EEF2KMT: variants seen among roughly 807,000 people sequenced by gnomAD.
EEF2KMT encodes protein-lysine N-methyltransferase EEF2KMT.
EEF2KMT carries 30 observed loss-of-function variants against 35.1 expected under a neutral mutation model. The observed-to-expected ratio is 0.85, with a 90% confidence interval of 0.64 to 1.16. The LOEUF is 1.16. EEF2KMT is among the 50% of genes most tolerant of loss of function. EEF2KMT has a pLI of 0.00. For missense variants in EEF2KMT, 499 were observed against 438.2 expected, an observed-to-expected ratio of 1.14 and a Z score of -1.24; for synonymous variants, 190 against 187.7, an observed-to-expected ratio of 1.01 and a Z score of -0.10.
At chr16:5,091,721 A>G (rs1185438853) in intron 4 of EEF2KMT, 73 bp downstream of exon 4, 1 of 1,596,074 alleles carries the variant, frequency 6.3e-7, no homozygotes, top group East Asian at 2.3e-5. Flanking sequence ...TTGAACCCAC[A>G]CCCACGTTTT....
chr16:5,097,776 G>T lies in EEF2KMT; in HGVS notation c.-37C>A. The T allele has an allele frequency of 6.5e-7, 1 of 1,535,642 alleles. No individual in the cohort carries two copies. Among genetic ancestry groups the T allele is most frequent in the Non-Finnish European group, 8.7e-7 (1 of 1,146,766 alleles). ...GGCCGCAGCGTTGCCGGCAGACCGG[G>T]CGGAAGCCCGGCCTGGACTGAAGAG... On this transcript the variant is annotated 5_prime_UTR_variant, in exon 1 of 8. Coordinates refer to ENST00000427587, the MANE Select transcript of EEF2KMT (RefSeq NM_201400.4).
intron 3 of EEF2KMT, among the ~76,000 whole-genome samples, chr16:5,093,070 G>A (rs545841792): frequency 1.3e-5 from 2 of 152,344 alleles, no homozygotes; most frequent in East Asian, 3.9e-4. Flanking sequence ...AGTTCCGAAG[G>A]TATGGCAAGA....
chr16:5,088,558 G>C (rs575774248), intron 7 of EEF2KMT, among the ~76,000 whole-genome samples: 5 of 152,274 alleles, frequency 3.3e-5, no homozygotes, highest in South Asian at 2.1e-4. Context: ...GTGTGTCCTA[G>C]TGTCTTTGTT....
At chr16:5,087,859 C>T (rs1957237754) in intron 7 of EEF2KMT, among the ~76,000 whole-genome samples, 1 of 147,264 alleles carries the variant, frequency 6.8e-6, no homozygotes, top group South Asian at 2.1e-4. Context: ...CTGCTTGGCA[C>T]TGTTTTTTTC....
In EEF2KMT at chr16:5,084,482, CAG is replaced by C. The variant is rs1272825453; in HGVS notation, c.*1148_*1149del. 1.0e-5 allele frequency: 6 copies of C among 597,466 alleles called. No homozygotes were observed. The highest frequency in any genetic ancestry group is 2.9e-5 in the East Asian group (1 of 34,556). 37.0% of individuals were successfully genotyped at this position (597,466 alleles called of 1,614,324 possible). Reference sequence around the variant, plus strand: ...CCAGAGGCCGAGAGGAGGGTGCTCACAGGGGAATGGGCAGCACGTAGAGGCCG... The same window carrying C: ...CCAGAGGCCGAGAGGAGGGTGCTCACGGGAATGGGCAGCACGTAGAGGCCG... On this transcript the variant is annotated 3_prime_UTR_variant, in exon 8 of 8. Coordinates refer to ENST00000427587, the MANE Select transcript of EEF2KMT (RefSeq NM_201400.4).
Position 5,090,560 on chromosome 16 carries a change from C to A in EEF2KMT, c.348G>T (p.Ser116=). 3.7e-6 allele frequency: 6 copies of A among 1,611,818 alleles called. No individual in the cohort carries two copies. The highest frequency in any genetic ancestry group is 4.2e-6 in the Non-Finnish European group (5 of 1,179,800). Residue 116 remains serine, a synonymous_variant, in exon 5 of 8, where the codon TCG becomes TCT. Transcript: ENST00000427587. The surrounding 1 kb of genome is among the most constrained non-coding windows in gnomAD (Gnocchi z 4.1). ...TCTCGGAGAGTGTGACCGAGCCTCCCGAGGGCTGCACCAAGAGAAGGCGAG... is the reference window on the plus strand; with the variant it reads ...TCTCGGAGAGTGTGACCGAGCCTCCAGAGGGCTGCACCAAGAGAAGGCGAG... The part of the protein sequence containing the change: ...TQGHRSYLLP[S]GGSVTLSEST...
chr16:5,089,896 G>T (rs1957303971), intron 6 of EEF2KMT, among the ~76,000 whole-genome samples, 188 bp downstream of exon 6: 1 of 152,222 alleles, frequency 6.6e-6, no homozygotes, highest in South Asian at 2.1e-4. Context: ...AAAGAGGGCT[G>T]TGGGTTGAAG....
intron 1 of EEF2KMT, among the ~76,000 whole-genome samples, chr16:5,096,678 C>G (rs4047290): frequency 6.6e-6 from 1 of 152,210 alleles, no homozygotes; most frequent in East Asian, 1.9e-4. Context: ...TCTCCTGGGT[C>G]TGAACTCTCA....
intron 2 of EEF2KMT, among the ~76,000 whole-genome samples, chr16:5,094,090 T>G (rs1424414408): frequency 6.6e-6 from 1 of 152,050 alleles, no homozygotes; most frequent in Non-Finnish European, 1.5e-5. Context: ...AGCCTGGCAC[T>G]TGGAAAGGAG....
At chr16:5,089,333 G>A in intron 6 of EEF2KMT, 77 bp from the exon 7 acceptor site, 2 of 1,574,534 alleles carry the variant, frequency 1.3e-6, no homozygotes, top group Non-Finnish European at 1.7e-6. Flanking sequence ...AGCAGGGCGA[G>A]GCCAGAGAGG....
rs1957125250 is a variant in EEF2KMT at position 5,085,544 on chromosome 16, A to G, written c.*88T>C. The G allele has an allele frequency of 1.1e-5, 11 of 1,006,916 alleles. No individual in the cohort carries two copies. Among genetic ancestry groups the G allele is most frequent in the Admixed American group, 8.5e-5 (5 of 58,898 alleles). The allele number at this position is 1,006,916 out of a possible 1,614,324, so 62.4% of individuals were successfully genotyped here. ...AACATTCTCCAAACATTCCAGTCCA[A>G]TGAAAGTTTTATCCGCTTTCCCATA... On this transcript the variant is annotated 3_prime_UTR_variant, in exon 8 of 8. Transcript: ENST00000427587.
intron 1 of EEF2KMT, among the ~76,000 whole-genome samples, chr16:5,095,954 T>C (rs999622791): frequency 6.6e-6 from 1 of 152,046 alleles, no homozygotes; most frequent in African/African-American, 2.4e-5. Context: ...TCGGCTGGTA[T>C]GTGACACAGG....
At position 5,085,110 on chromosome 16, in the gene EEF2KMT, C is replaced by G. The variant is rs547607392; in HGVS notation, c.*522G>C. ...ACGCTTCCTCTCTTCTTCTGTTCTT[C>G]ACGCCCCATGCCCCTGCTAGCGTAT... On this transcript the variant is annotated 3_prime_UTR_variant, in exon 8 of 8. Coordinates refer to ENST00000427587, the MANE Select transcript of EEF2KMT (RefSeq NM_201400.4). 4 of 734,244 alleles carry G rather than the reference C, an allele frequency of 5.4e-6. No homozygotes were observed. The East Asian group carries it at 8.1e-5, about 15-fold the overall frequency. The allele number at this position is 734,244 out of a possible 1,614,324, so 45.5% of individuals were successfully genotyped here. A position where few individuals can be genotyped will look rare whatever the true frequency, so the allele number is the denominator to read the frequency against.
At chr16:5,092,051 G>A (rs1596277115) in intron 3 of EEF2KMT, 156 bp from the exon 4 acceptor site, 1 of 1,419,478 alleles carries the variant, frequency 7.0e-7, no homozygotes, top group Non-Finnish European at 9.5e-7. Context: ...GCTTGGTGGT[G>A]TGTGCCGAAT....
chr16:5,087,711 T>C (rs1267551891), intron 7 of EEF2KMT, among the ~76,000 whole-genome samples: 5 of 147,100 alleles, frequency 3.4e-5, no homozygotes, highest in Non-Finnish European at 5.9e-5. Context: ...GATGGGAGGA[T>C]AGCTTGAACC....
At chr16:5,097,570 G>T (rs1186724984) in intron 1 of EEF2KMT, 74 bp downstream of exon 1, 3 of 1,525,534 alleles carry the variant, frequency 2.0e-6, no homozygotes, top group Non-Finnish European at 2.6e-6. Context: ...AGGGGCTTCA[G>T]CACGGAGACC....
rs200185581 is a variant in EEF2KMT, at chr16:5,089,099, A to G, written c.892+8T>C. 1.7e-3 allele frequency: 2,752 copies of G among 1,611,682 alleles called. 29 individuals are homozygous for G. In the African/African-American group the frequency reaches 0.024, roughly 14 times the overall value. On this transcript the variant is annotated splice_region_variant and intron_variant, in intron 7 of 7. Transcript: ENST00000427587. ...ACCATGCAGGCCCGGGTGGGCGTGG[A>G]GGCTCACCTAGCTCGGTGGTGAACA...
Position 5,085,700 on chromosome 16 carries a change from G to T in EEF2KMT, c.925C>A (p.Arg309Ser), listed in dbSNP as rs771051209. The T allele has an allele frequency of 6.2e-7, 1 of 1,611,826 alleles. No homozygotes were observed. Among genetic ancestry groups the T allele is most frequent in the Admixed American group, 1.7e-5 (1 of 59,994 alleles). ...RAGIRWEVEP[R>S]HEQKLFPYEE... is the part of the protein sequence containing the mutation. The stretch of plus-strand genomic sequence containing the variant: ...TAGGGAAACAGTTTCTGCTCATGAC[G>T]AGGTTCCACTTCCCATCTGATCCCG... Residue 309 changes from arginine (R) to serine (S), a missense_variant, in exon 8 of 8, where the codon CGT (arginine) becomes AGT (serine). Transcript: ENST00000427587.
intron 3 of EEF2KMT, among the ~76,000 whole-genome samples, chr16:5,092,692 G>A (rs1424959559): frequency 2.0e-5 from 3 of 152,248 alleles, no homozygotes; most frequent in Non-Finnish European, 4.4e-5. Context: ...GCCAGGTGCG[G>A]TGGCTCATGC....
Sources: gnomAD v4.1 joint callset for allele counts (sites outside exome capture counted in the v4.1 genomes callset) on GRCh38, gnomAD v4.1.1 for gene constraint, Gnocchi (gnomAD v3.1) non-coding constraint, MANE v1.5 for transcripts, NCBI Gene and HGNC (gene_info 2026-07-23, HGNC 2026-07-21) for gene names.